Variants in RNF220 observed in about 807,000 individuals in gnomAD.
The protein encoded by RNF220 is E3 ubiquitin-protein ligase RNF220.
A neutral mutation model predicts 67.1 loss-of-function variants in RNF220; 7 were observed. That is an observed-to-expected ratio of 0.10 (90% CI 0.06 to 0.20). The LOEUF (loss-of-function observed/expected upper bound fraction) is 0.20, where lower values mean the gene tolerates loss of function less well. Ranked by LOEUF, RNF220 falls within the 10% of genes least tolerant of loss-of-function variation. The probability of loss-of-function intolerance (pLI) is 1.00; values close to 1 mark genes in which losing one functional copy is unlikely to be tolerated. For synonymous variants in RNF220, 270 were observed against 283.2 expected, an observed-to-expected ratio of 0.95 and a Z score of 0.47; for missense variants, 565 against 740.3, an observed-to-expected ratio of 0.76 and a Z score of 2.75.
In RNF220 at chr1:44,454,330, T is replaced by C. The variant is rs79491793; in HGVS notation, c.625+41608T>C. ...CAGTTAATGTTCTACTCAGGTTTTATATCTCTTCTTGGGTCAATTTGTAAA... is the reference window on the plus strand; with the variant it reads ...CAGTTAATGTTCTACTCAGGTTTTACATCTCTTCTTGGGTCAATTTGTAAA... On this transcript the variant is annotated intron_variant, in intron 2 of 14. Coordinates refer to ENST00000361799, the MANE Select transcript of RNF220 (RefSeq NM_018150.4). Among the ~76,000 whole-genome samples the C allele has an allele frequency of 2.0e-4, 31 of 152,336 alleles. 1 individual carries two copies. In the East Asian group the frequency reaches 5.8e-3, roughly 28 times the overall value.
intron 2 of RNF220, among the ~76,000 whole-genome samples, chr1:44,501,535 ATGGGGTT>A (rs1219464235): frequency 0.025 from 3,829 of 152,186 alleles, 143 homozygotes; most frequent in African/African-American, 0.088. Context: ...GCAGAGAAGC[ATGGGGTT>A]ATTGGGTGTG....
At chr1:44,545,486 T>A (rs1360450470) in intron 2 of RNF220, 1 of 154,122 alleles carries the variant, frequency 6.5e-6, no homozygotes, top group Non-Finnish European at 1.5e-5. Flanking sequence ...TAATCCAAGA[T>A]CCATAACAGG....
chr1:44,451,148 A>G (rs1416553645), intron 2 of RNF220, among the ~76,000 whole-genome samples: 3 of 151,196 alleles, frequency 2.0e-5, no homozygotes, highest in South Asian at 4.3e-4. Context: ...GGGCCACTGC[A>G]TTCCTGCCTG....
intron 2 of RNF220, among the ~76,000 whole-genome samples, chr1:44,471,877 C>T (rs1217351503): frequency 6.6e-6 from 1 of 152,078 alleles, no homozygotes; most frequent in Non-Finnish European, 1.5e-5. Flanking sequence ...TCTCAATTCC[C>T]CCTCTTCTCC....
intron 8 of RNF220, 155 bp from the exon 9 acceptor site, chr1:44,644,543 A>G: frequency 1.7e-6 from 1 of 603,944 alleles, no homozygotes; most frequent in Non-Finnish European, 3.0e-6. Context: ...TGTCAGGGTC[A>G]GGGGCACTGA....
rs981181404 is a variant in RNF220 at position 44,632,760 on chromosome 1, A to C, written c.949+375A>C. ...TGAGAATGTTTTTCTTCCAGTTTTT[A>C]ATCAGTGCCCAGTAGTGTGAATACA... On this transcript the variant is annotated intron_variant, in intron 6 of 14. Transcript: ENST00000361799. 227 of 334,924 alleles carry C rather than the reference A, an allele frequency of 6.8e-4. 1 individual carries two copies. The highest frequency in any genetic ancestry group is 6.6e-4 in the Non-Finnish European group (114 of 173,732). The allele number at this position is 334,924 out of a possible 1,614,324, so 20.7% of individuals were successfully genotyped here.
At chr1:44,620,228 T>C (rs546034193) in intron 3 of RNF220, among the ~76,000 whole-genome samples, 3 of 152,362 alleles carry the variant, frequency 2.0e-5, no homozygotes, top group South Asian at 4.1e-4. Flanking sequence ...TGTGTGACCA[T>C]AGAAATGTCA....
In RNF220 at chr1:44,554,391, C is replaced by A. The variant is rs1209208161; in HGVS notation, c.626-59774C>A. Among the ~76,000 whole-genome samples the A allele has an allele frequency of 5.9e-5, 9 of 152,132 alleles. No individual in the cohort carries two copies. The South Asian group carries it at 1.7e-3, about 28-fold the overall frequency. ...CATGTCCTTCTCGCCTACCCTTACT[C>A]CTTTGCTGTCTTACTCCCCTAGCCT... On this transcript the variant is annotated intron_variant, in intron 2 of 14. Transcript: ENST00000361799.
chr1:44,619,360 G>A (rs1004547953), intron 3 of RNF220, among the ~76,000 whole-genome samples: 1 of 152,188 alleles, frequency 6.6e-6, no homozygotes, highest in Non-Finnish European at 1.5e-5. Context: ...GAGAAGAGGC[G>A]GGGTGTGGAG....
Position 44,622,712 on chromosome 1 carries a change from T to C in RNF220, c.759-30T>C. On this transcript the variant is annotated intron_variant, in intron 3 of 14. Coordinates refer to ENST00000361799, the MANE Select transcript of RNF220 (RefSeq NM_018150.4). The surrounding 1 kb of genome is among the most constrained non-coding windows in gnomAD (Gnocchi z 4.3). ...TGCATGCCCTGGGCAGCAGGTAGAATGGTTACCCTGTTCTCTTCTTTCTTG... is the reference window on the plus strand; with the variant it reads ...TGCATGCCCTGGGCAGCAGGTAGAACGGTTACCCTGTTCTCTTCTTTCTTG... 1 of 1,610,058 alleles carries C rather than the reference T, an allele frequency of 6.2e-7. No homozygotes were observed. Among genetic ancestry groups the C allele is most frequent in the Non-Finnish European group, 8.5e-7 (1 of 1,176,418 alleles).
intron 5 of RNF220, among the ~76,000 whole-genome samples, chr1:44,631,213 C>T (rs763056712): frequency 2.0e-5 from 3 of 152,318 alleles, no homozygotes; most frequent in Admixed American, 6.5e-5. Flanking sequence ...GCGATGATAA[C>T]GGCGCAGAGA....
At chr1:44,436,727 A>T (rs962796678) in intron 2 of RNF220, among the ~76,000 whole-genome samples, 1 of 152,202 alleles carries the variant, frequency 6.6e-6, no homozygotes, top group African/African-American at 2.4e-5. Flanking sequence ...AAATGAACAG[A>T]TTAAATTCTC....
chr1:44,559,462 A>T (rs971172082), intron 2 of RNF220, among the ~76,000 whole-genome samples: 1 of 152,276 alleles, frequency 6.6e-6, no homozygotes, highest in African/African-American at 2.4e-5. Context: ...TTAAGTGGAA[A>T]AAGCTGTGCT....
intron 2 of RNF220, among the ~76,000 whole-genome samples, chr1:44,501,284 A>G (rs1334002177): frequency 6.6e-6 from 1 of 151,478 alleles, no homozygotes; most frequent in African/African-American, 2.4e-5. Context: ...AGTGGTGCAG[A>G]GGCCCTGGAA....
rs1279118778 is a variant in RNF220, at chr1:44,645,094, A to C, written c.1310+13A>C. ...GCGCAGTCCTAAAGCAAGTGTGGGC[A>C]CAGGCTTGGGCGGGTGGAGCAGAGA... On this transcript the variant is annotated intron_variant, in intron 10 of 14. Coordinates refer to ENST00000361799, the MANE Select transcript of RNF220 (RefSeq NM_018150.4). This position sits in a 1 kb window ranked among gnomAD's most constrained non-coding sequence, Gnocchi z 5.0. 3 of 1,614,118 alleles carry C rather than the reference A, an allele frequency of 1.9e-6. No individual in the cohort carries two copies. The East Asian group carries it at 6.7e-5, about 36-fold the overall frequency.
At chr1:44,574,519 A>G (rs1664667939) in intron 2 of RNF220, among the ~76,000 whole-genome samples, 1 of 152,194 alleles carries the variant, frequency 6.6e-6, no homozygotes, top group African/African-American at 2.4e-5. Context: ...AATCTTTAAT[A>G]CATTTACTTA....
At position 44,645,231 on chromosome 1, in the gene RNF220, C is replaced by G; in HGVS notation, c.1321C>G (p.Pro441Ala). The change falls in exon 11 of 15, where the codon CCC (proline) becomes GCC (alanine). Residue 441 changes from proline to alanine, a missense_variant. Coordinates refer to ENST00000361799, the MANE Select transcript of RNF220 (RefSeq NM_018150.4). The surrounding 1 kb of genome is among the most constrained non-coding windows in gnomAD (Gnocchi z 5.0). Reference sequence around the variant, plus strand: ...CCTCCTTTCCTCCAGTGGCGGCCCTCCCAGCACGCGCATCACACCTGAGTT... The same window carrying G: ...CCTCCTTTCCTCCAGTGGCGGCCCTGCCAGCACGCGCATCACACCTGAGTT... ...LRGAVLNGGPPSTRITPEFSK... is the reference protein window; with the variant it reads ...LRGAVLNGGPASTRITPEFSK... The G allele has an allele frequency of 6.2e-7, 1 of 1,614,078 alleles. No homozygotes were observed. The highest frequency in any genetic ancestry group is 1.7e-5 in the Admixed American group (1 of 60,022).
chr1:44,632,279 G>A (rs1292804864), intron 5 of RNF220, 64 bp from the exon 6 acceptor site: 2 of 1,613,784 alleles, frequency 1.2e-6, no homozygotes, highest in Non-Finnish European at 1.7e-6. Flanking sequence ...GCGGGGGCCA[G>A]GACTGCAGGC....
chr1:44,506,229 A>G (rs781776), intron 2 of RNF220, among the ~76,000 whole-genome samples: 151,673 of 152,344 alleles, frequency 1, 75,505 homozygotes, highest in Non-Finnish European at 1. Context: ...AGGGCTGGGT[A>G]TGCAGAAGGA....
Sources: gnomAD v4.1 joint callset for allele counts (sites outside exome capture counted in the v4.1 genomes callset) on GRCh38, gnomAD v4.1.1 for gene constraint, Gnocchi (gnomAD v3.1) non-coding constraint, MANE v1.5 for transcripts, NCBI Gene and HGNC (gene_info 2026-07-23, HGNC 2026-07-21) for gene names.